Variants in PPP4R1 observed in about 807,000 individuals in gnomAD.
PPP4R1 encodes serine/threonine-protein phosphatase 4 regulatory subunit 1.
Under a neutral mutation model 111.2 loss-of-function variants are expected in PPP4R1, and 42 were observed. That is an observed-to-expected ratio of 0.38 (90% CI 0.29 to 0.49). The LOEUF is 0.49. Ranked by LOEUF, PPP4R1 falls within the 20% of genes least tolerant of loss-of-function variation. PPP4R1 has a pLI of 0.97. For synonymous variants in PPP4R1, 409 were observed against 405.5 expected (o/e 1.01, Z -0.10); for missense variants, 1,012 against 1,161.6 (o/e 0.87, Z 1.87).
chr18:9,573,671 C>G (rs1009589680), intron 10 of PPP4R1, among the ~76,000 whole-genome samples: 1 of 152,102 alleles, frequency 6.6e-6, no homozygotes, highest in Non-Finnish European at 1.5e-5. Context: ...GATCATAGCT[C>G]ACTGCAGCCT....
chr18:9,547,845 G>T lies in PPP4R1; in HGVS notation c.2797C>A (p.Pro933Thr), dbSNP rs1416720739. The change falls in exon 20 of 20, where the codon CCT (proline) becomes ACT (threonine). Residue 933 changes from proline to threonine, a missense_variant. By Grantham distance (38) the Pro-to-Thr change is conservative. Transcript: ENST00000400556. ...SDVKYFASIH[P>T]ASTKISEDAM... Reference sequence around the variant, plus strand: ...TCTTCGGAGATTTTGGTACTGGCAGGGTGGATGCTTGCAAAATACTTGACA... The same window carrying T: ...TCTTCGGAGATTTTGGTACTGGCAGTGTGGATGCTTGCAAAATACTTGACA... 2.9e-5 allele frequency: 47 copies of T among 1,613,476 alleles called. No homozygotes were observed. Among genetic ancestry groups the T allele is most frequent in the Non-Finnish European group, 3.9e-5 (46 of 1,180,026 alleles).
intron 2 of PPP4R1, among the ~76,000 whole-genome samples, chr18:9,605,471 T>A (rs2067462726): frequency 2.1e-5 from 3 of 143,882 alleles, no homozygotes; most frequent in South Asian, 2.2e-4. Context: ...TTGATAGACA[T>A]CACCTCCACA....
At chr18:9,548,182 A>C (rs2066428998) in intron 19 of PPP4R1, among the ~76,000 whole-genome samples, 1 of 152,150 alleles carries the variant, frequency 6.6e-6, no homozygotes, top group Non-Finnish European at 1.5e-5. Flanking sequence ...CATGATATTC[A>C]ATGACAGCTA....
chr18:9,596,294 G>T (rs1029837843), intron 2 of PPP4R1, among the ~76,000 whole-genome samples: 24 of 152,136 alleles, frequency 1.6e-4, no homozygotes, highest in Non-Finnish European at 2.8e-4. Context: ...GCGATCCAGA[G>T]GTAAATCAGG....
At chr18:9,574,741 G>C (rs1307922065) in intron 10 of PPP4R1, among the ~76,000 whole-genome samples, 1 of 152,164 alleles carries the variant, frequency 6.6e-6, no homozygotes, top group East Asian at 1.9e-4. Context: ...TCTCATTACA[G>C]CGCTACTGAT....
intron 19 of PPP4R1, 46 bp downstream of exon 19, chr18:9,549,151 C>T (rs58982927): frequency 3.1e-6 from 5 of 1,590,840 alleles, no homozygotes; most frequent in Non-Finnish European, 4.3e-6. Flanking sequence ...AGTCCACAGA[C>T]CTCCTTCTCT....
At chr18:9,589,320 A>C (rs1352374817) in intron 4 of PPP4R1, among the ~76,000 whole-genome samples, 2 of 152,232 alleles carry the variant, frequency 1.3e-5, no homozygotes, top group Non-Finnish European at 2.9e-5. Flanking sequence ...CTAAGACTAA[A>C]AATGGGTAAA....
In PPP4R1 at chr18:9,548,699, A is replaced by C. The variant is rs540892052; in HGVS notation, c.2689+498T>G. Among the ~76,000 whole-genome samples, 12 of 152,180 alleles carry C rather than the reference A, an allele frequency of 7.9e-5. No individual in the cohort carries two copies. In the South Asian group the frequency reaches 2.5e-3, roughly 32 times the overall value. On this transcript the variant is annotated intron_variant, in intron 19 of 19. Coordinates refer to ENST00000400556, the MANE Select transcript of PPP4R1 (RefSeq NM_001042388.3). ...TGGGAGGCTGAGGCAGGCAGATCAC[A>C]TGAGGTCAGGAGTTCGAGACCGGCC...
intron 2 of PPP4R1, among the ~76,000 whole-genome samples, chr18:9,610,440 A>G (rs182473337): frequency 6.6e-6 from 1 of 152,268 alleles, no homozygotes; most frequent in Admixed American, 6.5e-5. Flanking sequence ...ACTTAAATAC[A>G]TATGGTTTTT....
intron 17 of PPP4R1, 34 bp from the exon 18 acceptor site, chr18:9,550,220 C>T: frequency 6.2e-7 from 1 of 1,614,162 alleles, no homozygotes. Flanking sequence ...TGAGGAACAG[C>T]TTCCATTCTA....
At chr18:9,589,096 C>T (rs937190327) in intron 4 of PPP4R1, among the ~76,000 whole-genome samples, 25 of 152,146 alleles carry the variant, frequency 1.6e-4, no homozygotes, top group Non-Finnish European at 2.9e-4. Context: ...AGTATCTAAC[C>T]ATTTCTTAAC....
intron 2 of PPP4R1, among the ~76,000 whole-genome samples, chr18:9,610,615 A>C (rs2067561338): frequency 6.7e-6 from 1 of 149,392 alleles, no homozygotes; most frequent in Non-Finnish European, 1.5e-5. Context: ...GGTGCACGCC[A>C]CCACGCCCAG....
At chr18:9,554,558 T>C (rs978496686) in intron 15 of PPP4R1, among the ~76,000 whole-genome samples, 14 of 151,822 alleles carry the variant, frequency 9.2e-5, no homozygotes, top group African/African-American at 1.2e-4. Flanking sequence ...ATGAAGTTAG[T>C]AATTTAATTA....
At chr18:9,558,949 GA>G (rs2066630973) in intron 14 of PPP4R1, among the ~76,000 whole-genome samples, 1 of 152,078 alleles carries the variant, frequency 6.6e-6, no homozygotes, top group Admixed American at 6.6e-5. Flanking sequence ...AAGAACCACG[GA>G]ACTTCTCCTG....
chr18:9,562,782 C>A (rs2066699761), intron 12 of PPP4R1: 1 of 813,098 alleles, frequency 1.2e-6, no homozygotes, highest in Non-Finnish European at 1.5e-6. Flanking sequence ...CATTCCTTCT[C>A]CCCATTTGTA....
intron 2 of PPP4R1, among the ~76,000 whole-genome samples, chr18:9,601,852 T>TTA (rs1029058873): frequency 2.0e-5 from 3 of 152,258 alleles, no homozygotes; most frequent in East Asian, 1.9e-4. Flanking sequence ...GGCCCTACAC[T>TTA]TAAAGCTTTA....
At chr18:9,554,423 C>T (rs543880086) in intron 15 of PPP4R1, among the ~76,000 whole-genome samples, 7 of 151,960 alleles carry the variant, frequency 4.6e-5, no homozygotes, top group African/African-American at 1.7e-4. Flanking sequence ...GCCACTGTGC[C>T]CAGCCACAAC....
chr18:9,556,082 A>G (rs1391086864), intron 15 of PPP4R1, among the ~76,000 whole-genome samples: 1 of 150,072 alleles, frequency 6.7e-6, no homozygotes, highest in African/African-American at 2.5e-5. Context: ...AATTGCTTGA[A>G]CCTGGGAGGC....
intron 12 of PPP4R1, 67 bp from the exon 13 acceptor site, chr18:9,562,142 TA>T: frequency 8.1e-7 from 1 of 1,227,270 alleles, no homozygotes; most frequent in Non-Finnish European, 1.2e-6. Flanking sequence ...GCTATCTTAC[TA>T]AGTTACTTAC....
Sources: gnomAD v4.1 joint callset for allele counts (sites outside exome capture counted in the v4.1 genomes callset) on GRCh38, gnomAD v4.1.1 for gene constraint, MANE v1.5 for transcripts, NCBI Gene and HGNC (gene_info 2026-07-23, HGNC 2026-07-21) for gene names.